Variants in SPATA17 observed in about 807,000 individuals in gnomAD.
SPATA17 encodes spermatogenesis associated 17.
In SPATA17, 53 loss-of-function variants were observed where a neutral mutation model predicts 62.2. That is an observed-to-expected ratio of 0.85 (90% CI 0.68 to 1.07). The LOEUF is 1.07. Among genes scored for constraint, SPATA17 ranks in the 50% least tolerant of loss-of-function variants. The pLI, the probability that SPATA17 is intolerant of heterozygous loss-of-function variation, is 0.00. For missense variants in SPATA17, 466 were observed against 425.5 expected (o/e 1.10, Z -0.84); for synonymous variants, 146 against 146.8 (o/e 0.99, Z 0.04).
At chr1:217,816,472 A>G (rs1674719551) in intron 9 of SPATA17, among the ~76,000 whole-genome samples, 2 of 151,654 alleles carry the variant, frequency 1.3e-5, no homozygotes, top group African/African-American at 4.8e-5. Context: ...TATATATTCA[A>G]CCTTCTATCT....
At chr1:217,664,430 C>G (rs1208225325) in intron 3 of SPATA17, among the ~76,000 whole-genome samples, 1 of 151,308 alleles carries the variant, frequency 6.6e-6, no homozygotes, top group Admixed American at 6.6e-5. Flanking sequence ...GCTGGGATTA[C>G]AGGTGCTCAC....
chr1:217,779,144 TTGTGTGTGTGTG>T (rs55714817), intron 7 of SPATA17, among the ~76,000 whole-genome samples: 1 of 148,482 alleles, frequency 6.7e-6, no homozygotes, highest in Non-Finnish European at 1.5e-5. Flanking sequence ...GTAAAACAAC[TTGTGTGTGTGTG>T]TGTGTGTGTG....
At chr1:217,842,971 G>A (rs1336482600) in intron 9 of SPATA17, among the ~76,000 whole-genome samples, 1 of 148,722 alleles carries the variant, frequency 6.7e-6, no homozygotes, top group Non-Finnish European at 1.5e-5. Flanking sequence ...TTTCTATATT[G>A]ACTCATATCT....
At chr1:217,735,397 C>T (rs1672489429) in intron 5 of SPATA17, among the ~76,000 whole-genome samples, 1 of 152,122 alleles carries the variant, frequency 6.6e-6, no homozygotes, top group Admixed American at 6.5e-5. Context: ...AATCCCATGG[C>T]ACTAATCCCA....
intron 9 of SPATA17, among the ~76,000 whole-genome samples, chr1:217,833,630 T>A (rs558876621): frequency 6.6e-6 from 1 of 152,290 alleles, no homozygotes; most frequent in African/African-American, 2.4e-5. Flanking sequence ...TATGCGGAGT[T>A]TGATTTAATA....
intron 5 of SPATA17, among the ~76,000 whole-genome samples, chr1:217,710,439 T>C (rs948127788): frequency 5.3e-5 from 8 of 152,114 alleles, no homozygotes; most frequent in Non-Finnish European, 1.0e-4. Flanking sequence ...CAGTGTAATA[T>C]ATTCCCCCAA....
intron 3 of SPATA17, chr1:217,665,345 A>C (rs543239934): frequency 2.0e-5 from 3 of 152,300 alleles, no homozygotes; most frequent in South Asian, 4.1e-4. Flanking sequence ...GCTTTAAGCA[A>C]TTGGAAACTA....
At position 217,641,341 on chromosome 1, in the gene SPATA17, G is replaced by A. The variant is rs74692890; in HGVS notation, c.69-7541G>A. On this transcript the variant is annotated intron_variant, in intron 1 of 10. Transcript: ENST00000366933. ...CTCTCAATAGTGTAACATTCATAGC[G>A]TCTAGCATCTATTCATAAATTGGTA... Among the ~76,000 whole-genome samples, 144 of 152,016 alleles carry A rather than the reference G, an allele frequency of 9.5e-4. 2 individuals are homozygous for A. In the East Asian group the frequency reaches 0.024, roughly 25 times the overall value.
intron 1 of SPATA17, 58 bp from the exon 2 acceptor site, chr1:217,648,824 A>T: frequency 9.8e-7 from 1 of 1,021,600 alleles, no homozygotes; most frequent in African/African-American, 1.6e-5. Flanking sequence ...TAACAGGTTG[A>T]CTTGCTTTAG....
intron 9 of SPATA17, among the ~76,000 whole-genome samples, chr1:217,814,882 A>C (rs1558062088): frequency 6.6e-6 from 1 of 152,110 alleles, no homozygotes; most frequent in Non-Finnish European, 1.5e-5. Context: ...GTAAGTCTCT[A>C]AAAATTCAAC....
intron 3 of SPATA17, among the ~76,000 whole-genome samples, chr1:217,653,245 A>G (rs1390189702): frequency 6.6e-6 from 1 of 152,216 alleles, no homozygotes; most frequent in Non-Finnish European, 1.5e-5. Flanking sequence ...AGAATTAGTG[A>G]CAATAGAAAT....
At position 217,754,563 on chromosome 1, in the gene SPATA17, T is replaced by C. The variant is rs190995240; in HGVS notation, c.519+12465T>C. On this transcript the variant is annotated intron_variant, in intron 6 of 10. Transcript: ENST00000366933. Reference sequence around the variant, plus strand: ...GAGCCCAGTCATGAGTTAGATGCTATTATGTATAACTGATAAATAATCAGT... The same window carrying C: ...GAGCCCAGTCATGAGTTAGATGCTACTATGTATAACTGATAAATAATCAGT... Among the ~76,000 whole-genome samples, 449 of 152,272 alleles carry C rather than the reference T, an allele frequency of 2.9e-3. 4 individuals are homozygous for C. Among genetic ancestry groups the C allele is most frequent in the South Asian group, 6.2e-3 (30 of 4,826 alleles).
chr1:217,741,442 G>GT (rs1672623136), intron 5 of SPATA17, among the ~76,000 whole-genome samples: 1 of 152,108 alleles, frequency 6.6e-6, no homozygotes, highest in Non-Finnish European at 1.5e-5. Flanking sequence ...AACCTTTGAA[G>GT]TGCAAGATAA....
chr1:217,811,045 A>T (rs557676796), intron 9 of SPATA17, among the ~76,000 whole-genome samples: 42 of 152,036 alleles, frequency 2.8e-4, no homozygotes, highest in African/African-American at 7.9e-4. Context: ...TTATTTATTT[A>T]TTTTTTGAGA....
chr1:217,780,698 C>T (rs1338893955), intron 7 of SPATA17, among the ~76,000 whole-genome samples: 1 of 152,008 alleles, frequency 6.6e-6, no homozygotes, highest in Non-Finnish European at 1.5e-5. Context: ...TTTAAAAACT[C>T]TTCTTGAAAC....
rs1675626547 is a variant in SPATA17 at position 217,850,526 on chromosome 1, G to T, written c.1006-12248G>T. ...AGATGAGCCTCTGCTGGTCGGGGAG[G>T]ATGCCTTCCTTATCCTGGATATTGG... On this transcript the variant is annotated intron_variant, in intron 9 of 10. Transcript: ENST00000366933. 3 of 1,579,122 alleles carry T rather than the reference G, an allele frequency of 1.9e-6. No homozygotes were observed. In the Middle Eastern group the frequency reaches 5.0e-4, roughly 266 times the overall value.
At chr1:217,655,900 A>G (rs898180946) in intron 3 of SPATA17, among the ~76,000 whole-genome samples, 1 of 152,164 alleles carries the variant, frequency 6.6e-6, no homozygotes, top group Admixed American at 6.6e-5. Flanking sequence ...CATTATTTAT[A>G]AGAATTGAGG....
intron 1 of SPATA17, among the ~76,000 whole-genome samples, chr1:217,639,885 C>A (rs1244510267): frequency 1.3e-5 from 2 of 152,014 alleles, no homozygotes; most frequent in African/African-American, 4.8e-5. Flanking sequence ...CACGCATCCC[C>A]CAGTCCCAAA....
intron 7 of SPATA17, among the ~76,000 whole-genome samples, chr1:217,774,893 T>G (rs1181145143): frequency 6.6e-6 from 1 of 152,226 alleles, no homozygotes; most frequent in Non-Finnish European, 1.5e-5. Context: ...GTTTATCCAT[T>G]TATCTGCATT....
Sources: allele counts gnomAD v4.1 joint callset (sites outside exome capture counted in the v4.1 genomes callset), GRCh38; gene constraint gnomAD v4.1.1; transcripts MANE v1.5; gene names NCBI Gene and HGNC (gene_info 2026-07-23, HGNC 2026-07-21).